Variants in ANO4 observed in about 807,000 individuals in gnomAD.
ANO4 encodes the protein anoctamin 4.
A neutral mutation model predicts 141.9 loss-of-function variants in ANO4; 69 were observed. The observed-to-expected ratio is 0.49, with a 90% CI of 0.40 to 0.59. The LOEUF is 0.59. Among genes scored for constraint, ANO4 ranks in the 20% least tolerant of loss-of-function variants. The probability of loss-of-function intolerance (pLI) is 0.00; values close to 1 mark genes in which losing one functional copy is unlikely to be tolerated. For missense variants in ANO4, 894 were observed against 1,162.2 expected, an observed-to-expected ratio of 0.77 and a Z score of 3.36; for synonymous variants, 350 against 394.3, an observed-to-expected ratio of 0.89 and a Z score of 1.33.
intron 5 of ANO4, among the ~76,000 whole-genome samples, chr12:100,963,881 G>A (rs944378400): frequency 3.9e-5 from 6 of 152,178 alleles, no homozygotes; most frequent in African/African-American, 1.4e-4. Context: ...GTACCTGTGA[G>A]TGGAAGAAAG....
intron 3 of ANO4, among the ~76,000 whole-genome samples, chr12:100,937,369 T>G (rs934254246): frequency 6.6e-6 from 1 of 152,122 alleles, no homozygotes; most frequent in Non-Finnish European, 1.5e-5. Flanking sequence ...GTGCTGGAAA[T>G]GAAATGAACA....
intron 3 of ANO4, among the ~76,000 whole-genome samples, chr12:100,767,567 G>A (rs2033139520): frequency 6.6e-6 from 1 of 152,202 alleles, no homozygotes; most frequent in African/African-American, 2.4e-5. Context: ...TAATGGGCAG[G>A]TGGTGTATAC....
intron 1 of ANO4, among the ~76,000 whole-genome samples, chr12:100,887,507 C>T (rs2039894681): frequency 6.7e-6 from 1 of 148,520 alleles, no homozygotes; most frequent in Non-Finnish European, 1.5e-5. Flanking sequence ...CCAAATGACC[C>T]TGGGTTTCTT....
At chr12:100,803,792 A>G (rs1470878049) in intron 1 of ANO4, among the ~76,000 whole-genome samples, 1 of 152,190 alleles carries the variant, frequency 6.6e-6, no homozygotes, top group Non-Finnish European at 1.5e-5. Flanking sequence ...TGATAAATGA[A>G]ATAGTCCATG....
chr12:100,859,313 T>C (rs1192014886), intron 1 of ANO4: 1 of 152,184 alleles, frequency 6.6e-6, no homozygotes, highest in African/African-American at 2.4e-5. Flanking sequence ...CATATTTTGA[T>C]GTCTTATTTT....
At chr12:100,768,585 C>G (rs1379192681) in intron 3 of ANO4, among the ~76,000 whole-genome samples, 2 of 152,168 alleles carry the variant, frequency 1.3e-5, no homozygotes, top group Non-Finnish European at 2.9e-5. Flanking sequence ...GGGTCAAGAA[C>G]TTTTTCTTAT....
intron 1 of ANO4, among the ~76,000 whole-genome samples, chr12:100,832,233 A>T (rs956687585): frequency 1.3e-5 from 2 of 152,062 alleles, no homozygotes; most frequent in African/African-American, 4.8e-5. Context: ...CTTTTTAAGA[A>T]TATTTATGTA....
chr12:101,125,499 A>C (rs2051274347), intron 26 of ANO4, among the ~76,000 whole-genome samples: 1 of 152,110 alleles, frequency 6.6e-6, no homozygotes, highest in African/African-American at 2.4e-5. Flanking sequence ...AACTTCCAAT[A>C]CTGCGTTGAA....
chr12:100,875,499 C>T (rs1160628758), intron 1 of ANO4, among the ~76,000 whole-genome samples: 4 of 152,164 alleles, frequency 2.6e-5, no homozygotes, highest in Non-Finnish European at 5.9e-5. Context: ...TAACTAACCA[C>T]AATGATGATA....
intron 8 of ANO4, among the ~76,000 whole-genome samples, chr12:101,005,661 A>G (rs1362282705): frequency 5.9e-5 from 9 of 152,234 alleles, no homozygotes; most frequent in Non-Finnish European, 1.0e-4. Context: ...ACAACACAGT[A>G]TATCAGTGCT....
At chr12:100,929,228 T>C (rs1216556417) in intron 3 of ANO4, among the ~76,000 whole-genome samples, 1 of 152,254 alleles carries the variant, frequency 6.6e-6, no homozygotes, top group East Asian at 1.9e-4. Context: ...TATCTAATTA[T>C]ATTTTTGTAC....
At chr12:100,810,455 C>T (rs927100671) in intron 1 of ANO4, among the ~76,000 whole-genome samples, 9 of 152,150 alleles carry the variant, frequency 5.9e-5, no homozygotes, top group East Asian at 5.8e-4. Flanking sequence ...ATTTTTCATA[C>T]GGCAGTAGCA....
chr12:100,966,908 C>T (rs988456521), intron 5 of ANO4, among the ~76,000 whole-genome samples: 2 of 150,300 alleles, frequency 1.3e-5, no homozygotes, highest in East Asian at 1.9e-4. Flanking sequence ...CACACACATA[C>T]ATATATATAT....
chr12:100,839,791 T>C (rs926810939), intron 1 of ANO4, among the ~76,000 whole-genome samples: 5 of 152,108 alleles, frequency 3.3e-5, no homozygotes, highest in African/African-American at 1.2e-4. Flanking sequence ...AAATAAGAAT[T>C]CTGTGTCTGG....
In ANO4 at chr12:100,906,459, A is replaced by T. The variant is rs73389651; in HGVS notation, c.55+4619A>T. Reference sequence around the variant, plus strand: ...ATATTGTGGCACATATCTTAATAACATTTATTTAATTTTATTATAGTAATA... The same window carrying T: ...ATATTGTGGCACATATCTTAATAACTTTTATTTAATTTTATTATAGTAATA... On this transcript the variant is annotated intron_variant, in intron 2 of 27. Transcript: ENST00000392977. 4.8e-3 allele frequency among the ~76,000 whole-genome samples: 734 copies of T among 152,290 alleles called. 5 individuals are homozygous for T. Among genetic ancestry groups the T allele is most frequent in the African/African-American group, 0.017 (701 of 41,562 alleles).
chr12:101,001,057 G>A (rs903012059), intron 8 of ANO4, among the ~76,000 whole-genome samples: 4 of 151,788 alleles, frequency 2.6e-5, no homozygotes, highest in Non-Finnish European at 4.4e-5. Flanking sequence ...GTATATTTAT[G>A]TGTGCATGTA....
chr12:101,067,365 A>G (rs78081657), intron 14 of ANO4, among the ~76,000 whole-genome samples: 1,643 of 152,300 alleles, frequency 0.011, 29 homozygotes, highest in African/African-American at 0.037. Flanking sequence ...TCTAGGAAAC[A>G]TTAGTATTGG....
intron 8 of ANO4, among the ~76,000 whole-genome samples, chr12:101,001,808 G>A (rs1271715871): frequency 6.6e-6 from 1 of 152,150 alleles, no homozygotes; most frequent in Admixed American, 6.5e-5. Flanking sequence ...TGGGGAGAAG[G>A]AGTTGTTAAA....
At chr12:101,092,850 T>C (rs192131608) in intron 17 of ANO4, among the ~76,000 whole-genome samples, 1 of 152,272 alleles carries the variant, frequency 6.6e-6, no homozygotes, top group East Asian at 1.9e-4. Flanking sequence ...GTGAAAGACA[T>C]AAAAGATAAA....
Sources: allele counts gnomAD v4.1 joint callset (sites outside exome capture counted in the v4.1 genomes callset), GRCh38; gene constraint gnomAD v4.1.1; transcripts MANE v1.5; gene names NCBI Gene and HGNC (gene_info 2026-07-23, HGNC 2026-07-21).